IGF2BP2: variants seen among roughly 807,000 people sequenced by gnomAD.
The protein encoded by IGF2BP2 is insulin like growth factor 2 mRNA binding protein 2.
IGF2BP2 carries 17 observed loss-of-function variants against 75.8 expected under a neutral mutation model. The observed-to-expected ratio is 0.22, with a 90% CI of 0.15 to 0.34. The LOEUF (loss-of-function observed/expected upper bound fraction) is 0.34. Ranked by LOEUF, IGF2BP2 falls within the 10% of genes least tolerant of loss-of-function variation. The probability of loss-of-function intolerance (pLI) is 1.00; values close to 1 mark genes in which losing one functional copy is unlikely to be tolerated. For missense variants in IGF2BP2, 516 were observed against 772.4 expected (o/e 0.67, Z 3.93); for synonymous variants, 288 against 295.6 (o/e 0.97, Z 0.26).
In IGF2BP2 at chr3:185,677,044, G is replaced by GATATATATATAT. The variant is rs1164588813; in HGVS notation, c.813-1143_813-1132dup. ...GGAGAGAGATATATATATATATGGAGATATATATATATATATATATATATA... is the reference window on the plus strand; with the variant it reads ...GGAGAGAGATATATATATATATGGAGATATATATATATATATATATATATATATATATATATA... On this transcript the variant is annotated intron_variant, in intron 7 of 15. Transcript: ENST00000382199. 3.6e-3 allele frequency among the ~76,000 whole-genome samples: 86 copies of GATATATATATAT among 23,846 alleles called. 13 individuals are homozygous for GATATATATATAT. Among genetic ancestry groups the GATATATATATAT allele is most frequent in the East Asian group, 0.012 (5 of 422 alleles). The allele number at this position is 23,846 out of a possible 152,430, so 15.6% of individuals were successfully genotyped here.
rs529575252 is a variant in IGF2BP2 at position 185,822,246 on chromosome 3, C to T, written c.239+907G>A. 4.6e-5 allele frequency among the ~76,000 whole-genome samples: 7 copies of T among 152,208 alleles called. No homozygotes were observed. In the South Asian group the frequency reaches 1.4e-3, roughly 32 times the overall value. On this transcript the variant is annotated intron_variant, in intron 2 of 15. Coordinates refer to ENST00000382199, the MANE Select transcript of IGF2BP2 (RefSeq NM_006548.6). ...ACTGATAAACTGTAAAGGTGGTCAT[C>T]AAAAACTTCATTGAACAGCTCCAGT...
chr3:185,820,712 A>G (rs1169405328), intron 2 of IGF2BP2, among the ~76,000 whole-genome samples: 1 of 152,160 alleles, frequency 6.6e-6, no homozygotes, highest in Non-Finnish European at 1.5e-5. Context: ...CCAAACTATC[A>G]TTAACCTTAA....
In IGF2BP2 at chr3:185,658,941, G is replaced by C. The variant is rs372681733; in HGVS notation, c.1201-532C>G. 9.8e-5 allele frequency among the ~76,000 whole-genome samples: 15 copies of C among 152,340 alleles called. No homozygotes were observed. In the East Asian group the frequency reaches 2.1e-3, roughly 22 times the overall value. On this transcript the variant is annotated intron_variant, in intron 10 of 15. Transcript: ENST00000382199. The stretch of plus-strand genomic sequence containing the variant: ...CTAGAAGGAATGGAAAGAATCCTGA[G>C]AAGGGAGAAATGTCAAAGGAGACTG...
In IGF2BP2 at chr3:185,719,046, G is replaced by A. The variant is rs7627308; in HGVS notation, c.240-20699C>T. Among the ~76,000 whole-genome samples, 840 of 152,298 alleles carry A rather than the reference G, an allele frequency of 5.5e-3. 7 individuals carry two copies. The highest frequency in any genetic ancestry group is 0.019 in the African/African-American group (784 of 41,566). ...TGATGGTCAGAGATGACCTTGGGTG[G>A]GGAGAGGAAGCAGACAGAGGAAGAA... is the stretch of plus-strand genomic sequence containing the variant. On this transcript the variant is annotated intron_variant, in intron 2 of 15. Coordinates refer to ENST00000382199, the MANE Select transcript of IGF2BP2 (RefSeq NM_006548.6).
chr3:185,734,026 A>T (rs1173592043), intron 2 of IGF2BP2, among the ~76,000 whole-genome samples: 4 of 152,200 alleles, frequency 2.6e-5, no homozygotes, highest in African/African-American at 9.7e-5. Flanking sequence ...TCCCACAGTA[A>T]CAACACTGAA....
chr3:185,691,884 G>A (rs1577988397), intron 5 of IGF2BP2, among the ~76,000 whole-genome samples: 1 of 152,226 alleles, frequency 6.6e-6, no homozygotes, highest in Middle Eastern at 3.4e-3. Flanking sequence ...ACAGGTGCAA[G>A]CCACCATTCC....
chr3:185,734,216 G>A (rs1728563384), intron 2 of IGF2BP2, among the ~76,000 whole-genome samples: 1 of 152,168 alleles, frequency 6.6e-6, no homozygotes, highest in Non-Finnish European at 1.5e-5. Context: ...TTACATAGGT[G>A]AAACGTGTTC....
intron 2 of IGF2BP2, among the ~76,000 whole-genome samples, chr3:185,757,438 T>TA (rs1220830642): frequency 1.9e-4 from 29 of 151,668 alleles, no homozygotes; most frequent in African/African-American, 6.8e-4. Context: ...AGTATAGCCC[T>TA]TGGAGAGACT....
At chr3:185,650,092 T>G (rs979901334) in intron 13 of IGF2BP2, among the ~76,000 whole-genome samples, 3 of 150,786 alleles carry the variant, frequency 2.0e-5, no homozygotes, top group African/African-American at 7.3e-5. Context: ...TTCATTCTTT[T>G]TTTTTTTTTT....
intron 1 of IGF2BP2, 29 bp from the exon 2 acceptor site, chr3:185,823,242 A>G: frequency 1.3e-6 from 2 of 1,579,068 alleles, no homozygotes; most frequent in East Asian, 4.5e-5. Flanking sequence ...AGCACTCAGA[A>G]CCTTGCTTAG....
In IGF2BP2 at chr3:185,647,069, C is replaced by T; in HGVS notation, c.1663G>A (p.Glu555Lys). ...VPRDQTPDEN[E>K]EVIVRIIGHF... ...CCGATAATTCTGACGATCACTTCCT[C>T]ATTTTCATCTGGCGTTTGGTCACGA... The change falls in exon 15 of 16, where the codon GAG (glutamate) becomes AAG (lysine). Residue 555 changes from glutamate (E) to lysine (K), a missense_variant. This residue lies in a region of IGF2BP2 where 129 missense variants were observed against 230.5 expected (regional missense o/e 0.56). Transcript: ENST00000382199. This position sits in a 1 kb window ranked among gnomAD's most constrained non-coding sequence, Gnocchi z 4.9. The T allele has an allele frequency of 6.2e-7, 1 of 1,614,160 alleles. No individual in the cohort carries two copies. The highest frequency in any genetic ancestry group is 8.5e-7 in the Non-Finnish European group (1 of 1,180,004).
chr3:185,754,751 G>C (rs1411228413), intron 2 of IGF2BP2, among the ~76,000 whole-genome samples: 1 of 152,188 alleles, frequency 6.6e-6, no homozygotes, highest in African/African-American at 2.4e-5. Context: ...GCAAAGAACT[G>C]AGCTGCACTG....
chr3:185,767,161 G>A (rs1403165580), intron 2 of IGF2BP2, among the ~76,000 whole-genome samples: 2 of 152,196 alleles, frequency 1.3e-5, no homozygotes, highest in African/African-American at 4.8e-5. Flanking sequence ...TCTCTTGGCA[G>A]ACCAGTTCTG....
intron 7 of IGF2BP2, among the ~76,000 whole-genome samples, chr3:185,681,588 G>A (rs1720393952): frequency 1.3e-5 from 2 of 152,092 alleles, no homozygotes; most frequent in Admixed American, 1.3e-4. Flanking sequence ...AAATTCATAT[G>A]GAATCTCAAG....
intron 10 of IGF2BP2, among the ~76,000 whole-genome samples, chr3:185,666,027 TA>T (rs2149170553): frequency 6.6e-6 from 1 of 151,664 alleles, no homozygotes; most frequent in South Asian, 2.1e-4. Context: ...GATAGATAGA[TA>T]GATAGATAGA....
chr3:185,815,930 A>G (rs556169606), intron 2 of IGF2BP2, among the ~76,000 whole-genome samples: 1 of 152,286 alleles, frequency 6.6e-6, no homozygotes, highest in South Asian at 2.1e-4. Context: ...TATGGATACT[A>G]TCCCTATTAA....
At chr3:185,784,325 A>G (rs1214733588) in intron 2 of IGF2BP2, among the ~76,000 whole-genome samples, 1 of 152,124 alleles carries the variant, frequency 6.6e-6, no homozygotes, top group African/African-American at 2.4e-5. Context: ...TGATCGAAAC[A>G]TCCTCCATCC....
At chr3:185,686,174 A>C (rs1721102892) in intron 7 of IGF2BP2, among the ~76,000 whole-genome samples, 1 of 152,218 alleles carries the variant, frequency 6.6e-6, no homozygotes. Context: ...ATTTGAAGTC[A>C]GGAGTTCGAG....
At chr3:185,797,822 G>A (rs11716713) in intron 2 of IGF2BP2, among the ~76,000 whole-genome samples, 2 of 148,582 alleles carry the variant, frequency 1.3e-5, no homozygotes, top group Admixed American at 6.7e-5. Context: ...GGAGAACCAC[G>A]TGAGCCTGGC....
Sources: allele counts gnomAD v4.1 joint callset (sites outside exome capture counted in the v4.1 genomes callset), GRCh38; gene constraint gnomAD v4.1.1; regional missense constraint gnomAD v4.1.1; non-coding constraint Gnocchi (gnomAD v3.1); transcripts MANE v1.5; gene names NCBI Gene and HGNC (gene_info 2026-07-23, HGNC 2026-07-21).